The following CHST15 variants were observed in gnomAD, a reference collection of about 807,000 sequenced individuals.
The protein encoded by CHST15 is carbohydrate sulfotransferase 15.
CHST15 carries 30 observed loss-of-function variants against 53.6 expected under a neutral mutation model. That is an observed-to-expected ratio of 0.56 (90% confidence interval 0.42 to 0.76). The LOEUF (loss-of-function observed/expected upper bound fraction) is 0.76. CHST15 is among the 30% of genes least tolerant of loss of function. The probability of loss-of-function intolerance (pLI) is 0.00; values close to 1 mark genes in which losing one functional copy is unlikely to be tolerated. For missense variants in CHST15, 627 were observed against 740.5 expected (o/e 0.85, Z 1.78); for synonymous variants, 296 against 289.8 (o/e 1.02, Z -0.22).
rs987970857 is a variant in CHST15 at position 124,024,145 on chromosome 10, G to A, written c.1191-2733C>T. On this transcript the variant is annotated intron_variant, in intron 5 of 7. Transcript: ENST00000435907. The surrounding 1 kb of genome is among the most constrained non-coding windows in gnomAD (Gnocchi z 4.0). Reference sequence around the variant, plus strand: ...CGGGCGTGAGCCACCACGCCCAGCCGCCATCCATACTTCCAAACGCTCCCA... The same window carrying A: ...CGGGCGTGAGCCACCACGCCCAGCCACCATCCATACTTCCAAACGCTCCCA... 6.6e-6 allele frequency among the ~76,000 whole-genome samples: 1 copy of A among 152,020 alleles called. No homozygotes were observed. Among genetic ancestry groups the A allele is most frequent in the Non-Finnish European group, 1.5e-5 (1 of 67,984 alleles).
At position 124,069,216 on chromosome 10, in the gene CHST15, C is replaced by T. The variant is rs75131693; in HGVS notation, c.-512-22492G>A. Among the ~76,000 whole-genome samples the T allele has an allele frequency of 6.9e-3, 1,058 of 152,362 alleles. 11 individuals carry two copies. Among genetic ancestry groups the T allele is most frequent in the African/African-American group, 0.025 (1,026 of 41,584 alleles). On this transcript the variant is annotated intron_variant, in intron 1 of 7. Transcript: ENST00000435907. ...GATCAACATCCCGTTTGAGTTCCTA[C>T]ATCCTGTAGTCCTCCTGAATATAGA...
At chr10:124,011,027 A>C (rs1946400781) in intron 7 of CHST15, 1 of 984,684 alleles carries the variant, frequency 1.0e-6, no homozygotes. Flanking sequence ...AGTCACCGCC[A>C]CGCCCCGCCC....
At chr10:124,035,877 C>T (rs1326019894) in intron 5 of CHST15, among the ~76,000 whole-genome samples, 1 of 152,222 alleles carries the variant, frequency 6.6e-6, no homozygotes, top group Admixed American at 6.5e-5. Context: ...AGAACTGCAA[C>T]CAACCACAGC....
chr10:124,033,941 G>A (rs1461424901), intron 5 of CHST15, among the ~76,000 whole-genome samples: 2 of 152,198 alleles, frequency 1.3e-5, no homozygotes, highest in Non-Finnish European at 2.9e-5. Flanking sequence ...AACTTTTTCC[G>A]CAGCAGTACT....
At position 124,038,670 on chromosome 10, in the gene CHST15, C is replaced by T. The variant is rs2133965415; in HGVS notation, c.1035G>A (p.Gly345=). The T allele has an allele frequency of 1.2e-6, 2 of 1,613,902 alleles. No homozygotes were observed. The highest frequency in any genetic ancestry group is 1.3e-5 in the African/African-American group (1 of 75,048). The change falls in exon 5 of 8, where the codon GGG becomes GGA. Residue 345 remains glycine, a splice_region_variant and synonymous_variant. Transcript: ENST00000435907. The part of the protein sequence containing the change: ...EQSKMNTIII[G]EASASTMWDN... The stretch of plus-strand genomic sequence containing the variant: ...CCCACATCGTGGAGGCACTGGCCTC[C>T]CCTGGAAACAGAAAACACTCCAAGT...
intron 7 of CHST15, chr10:124,011,393 G>C (rs1158363287): frequency 1.0e-6 from 1 of 984,798 alleles, no homozygotes; most frequent in Non-Finnish European, 1.2e-6. Flanking sequence ...TCTAAGCCTT[G>C]GAAGGGAAAG....
At chr10:124,081,800 G>A (rs1949250775) in intron 1 of CHST15, among the ~76,000 whole-genome samples, 2 of 152,076 alleles carry the variant, frequency 1.3e-5, no homozygotes, top group Admixed American at 1.3e-4. Context: ...CTCCCGGCCT[G>A]GTCTCCACAT....
At chr10:124,030,462 G>A (rs928576750) in intron 5 of CHST15, among the ~76,000 whole-genome samples, 1 of 152,176 alleles carries the variant, frequency 6.6e-6, no homozygotes, top group Admixed American at 6.5e-5. Context: ...CAAAATCTTA[G>A]AGGAAAGGAA....
Position 124,056,994 on chromosome 10 carries a change from C to T in CHST15, c.-512-10270G>A, listed in dbSNP as rs143712450. On this transcript the variant is annotated intron_variant, in intron 1 of 7. Transcript: ENST00000435907. ...TTTGACCCAGGCCTGCCTGTATGAC[C>T]GGACACGCTGCGGCCCAGGTGGTGG... Among the ~76,000 whole-genome samples, 400 of 151,464 alleles carry T rather than the reference C, an allele frequency of 2.6e-3. 1 individual carries two copies. The highest frequency in any genetic ancestry group is 9.3e-3 in the African/African-American group (385 of 41,260).
In CHST15 at chr10:124,046,082, A is replaced by C; in HGVS notation, c.131T>G (p.Leu44Arg). 1 of 1,614,264 alleles carries C rather than the reference A, an allele frequency of 6.2e-7. No homozygotes were observed. The highest frequency in any genetic ancestry group is 8.5e-7 in the Non-Finnish European group (1 of 1,180,052). Residue 44 changes from leucine (L) to arginine (R), a missense_variant, in exon 2 of 8, where the codon CTG (leucine) becomes CGG (arginine). By Grantham distance (102) the Leu-to-Arg change is moderately radical. Around this residue, in one of 3 missense-constraint regions of CHST15, gnomAD observed 187 missense variants for 251.8 expected, o/e 0.74. Transcript: ENST00000435907. The part of the protein sequence containing the change: ...CPTCKGENKI[L>R]FRVDSKQMNL... ...CATCTGCTTACTGTCCACACGAAAC[A>C]GAATTTTGTTTTCTCCTTTGCACGT...
chr10:124,086,203 A>T (rs780861082), intron 1 of CHST15, among the ~76,000 whole-genome samples: 1 of 152,258 alleles, frequency 6.6e-6, no homozygotes, highest in Non-Finnish European at 1.5e-5. Context: ...TTCCTACAGC[A>T]GACAACAACA....
At chr10:124,020,370 G>A in intron 6 of CHST15, 1 of 985,458 alleles carries the variant, frequency 1.0e-6, no homozygotes, top group Non-Finnish European at 1.2e-6. Flanking sequence ...GCAGGCTCTG[G>A]GGTTACCTGT....
intron 1 of CHST15, among the ~76,000 whole-genome samples, chr10:124,089,093 A>G (rs1949526623): frequency 6.6e-6 from 1 of 152,142 alleles, no homozygotes; most frequent in South Asian, 2.1e-4. Flanking sequence ...TGCAAACATG[A>G]TCTCCTCATT....
chr10:124,038,981 C>T (rs1947633608), intron 4 of CHST15, among the ~76,000 whole-genome samples: 1 of 152,158 alleles, frequency 6.6e-6, no homozygotes, highest in African/African-American at 2.4e-5. Context: ...TTCCCTAGCA[C>T]CTGGGCCCCC....
In CHST15 at chr10:124,008,571, A is replaced by G; in HGVS notation, c.*1578T>C. On this transcript the variant is annotated 3_prime_UTR_variant, in exon 8 of 8. Coordinates refer to ENST00000435907, the MANE Select transcript of CHST15 (RefSeq NM_001270764.2). ...CATCCTGGCGCTCAGAGCCCTCTGC[A>G]CACCTTCGAACGGGCTGTGTGTCCC... The G allele has an allele frequency of 2.0e-6, 2 of 1,004,266 alleles. No individual in the cohort carries two copies. The highest frequency in any genetic ancestry group is 2.4e-6 in the Non-Finnish European group (2 of 840,310). The allele number at this position is 1,004,266 out of a possible 1,614,324, so 62.2% of individuals were successfully genotyped here. A position where few individuals can be genotyped will look rare whatever the true frequency, so the allele number is the denominator to read the frequency against.
intron 6 of CHST15, 64 bp from the exon 7 acceptor site, chr10:124,012,544 C>G (rs1311486326): frequency 2.0e-6 from 3 of 1,534,526 alleles, no homozygotes; most frequent in African/African-American, 1.4e-5. Context: ...GGGCACTTTT[C>G]CAAAGTGGTA....
chr10:124,083,038 T>A (rs376953764), intron 1 of CHST15, among the ~76,000 whole-genome samples: 1 of 152,228 alleles, frequency 6.6e-6, no homozygotes, highest in South Asian at 2.1e-4. Context: ...TCTGTCAATA[T>A]ACTAAAAAAC....
chr10:124,050,256 G>C (rs996418311), intron 1 of CHST15, among the ~76,000 whole-genome samples: 10 of 152,220 alleles, frequency 6.6e-5, no homozygotes, highest in Admixed American at 6.5e-5. Context: ...GGCTGACCCA[G>C]AGAGGAGGCC....
At chr10:124,065,523 C>T (rs1948726609) in intron 1 of CHST15, among the ~76,000 whole-genome samples, 1 of 152,192 alleles carries the variant, frequency 6.6e-6, no homozygotes, top group Non-Finnish European at 1.5e-5. Context: ...TGCTGTGGGA[C>T]TGCTGGGGGT....
Sources: gnomAD v4.1 joint callset for allele counts (sites outside exome capture counted in the v4.1 genomes callset) on GRCh38, gnomAD v4.1.1 for gene constraint, gnomAD v4.1.1 regional missense constraint, Gnocchi (gnomAD v3.1) non-coding constraint, MANE v1.5 for transcripts, NCBI Gene and HGNC (gene_info 2026-07-23, HGNC 2026-07-21) for gene names.